The following RIN3 variants were observed in gnomAD, a reference collection of about 807,000 sequenced individuals.
RIN3 encodes the protein RAB5 interacting protein 3.
Under a neutral mutation model 76.3 loss-of-function variants are expected in RIN3, and 54 were observed. The ratio of observed to expected loss-of-function variants is 0.71; its 90% CI spans 0.57 to 0.89. The LOEUF is 0.89. Ranked by LOEUF, RIN3 falls within the 40% of genes least tolerant of loss-of-function variation. The probability of loss-of-function intolerance (pLI) is 0.00; values close to 1 mark genes in which losing one functional copy is unlikely to be tolerated. For missense variants in RIN3, 1,256 were observed against 1,322.1 expected (o/e 0.95, Z 0.78); for synonymous variants, 576 against 564.0 (o/e 1.02, Z -0.30).
In RIN3 at chr14:92,516,577, G is replaced by A. The variant is rs143406152; in HGVS notation, c.44+2601G>A. Among the ~76,000 whole-genome samples, 4 of 152,222 alleles carry A rather than the reference G, an allele frequency of 2.6e-5. No homozygotes were observed. The East Asian group carries it at 5.8e-4, about 22-fold the overall frequency. The stretch of plus-strand genomic sequence containing the variant: ...ATCCTAACAGAGGCTCTGATGCACA[G>A]GAGCAAAGGGTCACCTCACCATCTC... On this transcript the variant is annotated intron_variant, in intron 1 of 9. Transcript: ENST00000216487.
At position 92,648,678 on chromosome 14, in the gene RIN3, C is replaced by G. The variant is rs1887288994; in HGVS notation, c.533-2904C>G. Among the ~76,000 whole-genome samples, 1 of 152,216 alleles carries G rather than the reference C, an allele frequency of 6.6e-6. No individual in the cohort carries two copies. Among genetic ancestry groups the G allele is most frequent in the Non-Finnish European group, 1.5e-5 (1 of 68,032 alleles). ...GTCTCAGGTGCTGGGAATACTCAGA[C>G]AGCTGAAAGATTTGACTGCCTTCTG... On this transcript the variant is annotated intron_variant, in intron 5 of 9. Coordinates refer to ENST00000216487, the MANE Select transcript of RIN3 (RefSeq NM_024832.5). This position sits in a 1 kb window ranked among gnomAD's most constrained non-coding sequence, Gnocchi z 4.1.
chr14:92,584,085 A>C (rs1955695478), intron 3 of RIN3, among the ~76,000 whole-genome samples: 1 of 152,116 alleles, frequency 6.6e-6, no homozygotes, highest in African/African-American at 2.4e-5. Flanking sequence ...GAGGACGTGC[A>C]TACGTTATAG....
At chr14:92,561,028 A>AC in intron 2 of RIN3, among the ~76,000 whole-genome samples, 1 of 24,908 alleles carries the variant, frequency 4.0e-5, no homozygotes, top group Non-Finnish European at 9.0e-5. Flanking sequence ...TCTAAAAAAA[A>AC]AAAAAAAAAA....
chr14:92,615,391 T>C lies in RIN3; in HGVS notation c.368-16T>C. On this transcript the variant is annotated splice_polypyrimidine_tract_variant and intron_variant, in intron 3 of 9. Transcript: ENST00000216487. ...GGATACTCACCTCACCCAGGGCCCT[T>C]CTTGTGTCTCCCCAGTATTGTACCT... The C allele has an allele frequency of 6.2e-7, 1 of 1,613,148 alleles. No homozygotes were observed. The highest frequency in any genetic ancestry group is 8.5e-7 in the Non-Finnish European group (1 of 1,179,142).
intron 2 of RIN3, among the ~76,000 whole-genome samples, chr14:92,574,035 C>T (rs1295295156): frequency 6.6e-6 from 1 of 152,190 alleles, no homozygotes; most frequent in Admixed American, 6.5e-5. Context: ...GGCACCACCC[C>T]CACCCCTGCC....
intron 7 of RIN3, among the ~76,000 whole-genome samples, chr14:92,674,317 G>T (rs1595503360): frequency 6.6e-6 from 1 of 152,156 alleles, no homozygotes. Flanking sequence ...TTAGCTCTCT[G>T]AAGTCTTTTA....
chr14:92,672,232 C>A (rs1210989323), intron 7 of RIN3, among the ~76,000 whole-genome samples: 1 of 151,860 alleles, frequency 6.6e-6, no homozygotes, highest in Non-Finnish European at 1.5e-5. Flanking sequence ...ATGGCAAAAT[C>A]CCATCTCTAC....
In RIN3 at chr14:92,615,422, G is replaced by T. The variant is rs751435893; in HGVS notation, c.383G>T (p.Gly128Val). 4 of 1,614,122 alleles carry T rather than the reference G, an allele frequency of 2.5e-6. No homozygotes were observed. Among genetic ancestry groups the T allele is most frequent in the South Asian group, 1.1e-5 (1 of 91,080 alleles). Reference sequence around the variant, plus strand: ...GTCTCCCCAGTATTGTACCTGGAAGGCTCGGCTCTTGTGTTTGAGGACATC... The same window carrying T: ...GTCTCCCCAGTATTGTACCTGGAAGTCTCGGCTCTTGTGTTTGAGGACATC... ...KEEKSILYLE[G>V]SALVFEDIFR... The change falls in exon 4 of 10, where the codon GGC (glycine) becomes GTC (valine). Residue 128 changes from glycine (G) to valine (V), a missense_variant. Transcript: ENST00000216487.
intron 4 of RIN3, among the ~76,000 whole-genome samples, chr14:92,628,763 G>A (rs1886447262): frequency 6.6e-6 from 1 of 152,160 alleles, no homozygotes; most frequent in Admixed American, 6.5e-5. Context: ...TGTGCCACAT[G>A]TAGGGATCAG....
intron 7 of RIN3, among the ~76,000 whole-genome samples, chr14:92,671,316 G>A (rs942712783): frequency 6.6e-6 from 1 of 152,062 alleles, no homozygotes. Flanking sequence ...TAGGGAGGGG[G>A]TCCCAGGAGG....
intron 1 of RIN3, among the ~76,000 whole-genome samples, chr14:92,536,946 T>C (rs2140010820): frequency 6.6e-6 from 1 of 152,066 alleles, no homozygotes; most frequent in Admixed American, 6.5e-5. Context: ...ACACAGTAAA[T>C]GGTAAACTCT....
chr14:92,684,948 G>C (rs1888794648), intron 8 of RIN3, 39 bp from the exon 9 acceptor site: 1 of 1,586,608 alleles, frequency 6.3e-7, no homozygotes, highest in South Asian at 1.1e-5. Context: ...GGTGGGCGGA[G>C]GCGGTCCTGG....
intron 1 of RIN3, among the ~76,000 whole-genome samples, chr14:92,528,756 C>T (rs957421442): frequency 6.6e-5 from 10 of 152,170 alleles, no homozygotes; most frequent in Non-Finnish European, 1.3e-4. Flanking sequence ...ACAGCAGCCC[C>T]GCACAGTAGG....
intron 7 of RIN3, among the ~76,000 whole-genome samples, chr14:92,662,353 C>T (rs886633888): frequency 5.3e-5 from 8 of 152,178 alleles, no homozygotes; most frequent in African/African-American, 9.7e-5. Flanking sequence ...GGAACAGCCT[C>T]GGGGAGAGCA....
intron 2 of RIN3, among the ~76,000 whole-genome samples, chr14:92,556,433 G>T (rs1897584401): frequency 6.6e-6 from 1 of 152,200 alleles, no homozygotes; most frequent in Admixed American, 6.5e-5. Context: ...GGCTCTGTGA[G>T]CTGGGCACAC....
chr14:92,593,809 A>C (rs1249207967), intron 3 of RIN3, among the ~76,000 whole-genome samples: 2 of 152,250 alleles, frequency 1.3e-5, no homozygotes, highest in African/African-American at 4.8e-5. Context: ...AAGAAGATCT[A>C]ACAGTCCTTT....
rs199992145 is a variant in RIN3 at position 92,688,208 on chromosome 14, G to A, written c.2914G>A (p.Gly972Arg). 3 of 1,484,852 alleles carry A rather than the reference G, an allele frequency of 2.0e-6. No homozygotes were observed. Among genetic ancestry groups the A allele is most frequent in the South Asian group, 2.4e-5 (2 of 83,686 alleles). The allele number at this position is 1,484,852 out of a possible 1,614,324, so 92.0% of individuals were successfully genotyped here. The part of the protein sequence containing the change: ...PLDGGGGGGG[G>R]SPPCLVVREP... ...GGACGGTGGTGGCGGCGGCGGCGGC[G>A]GGAGCCCGCCCTGCCTGGTGGTGCG... The change falls in exon 10 of 10, where the codon GGG (glycine) becomes AGG (arginine). Residue 972 changes from glycine (G) to arginine (R), a missense_variant. Physicochemically the swap from Gly to Arg is moderately radical, Grantham distance 125 (BLOSUM62 -2). Coordinates refer to ENST00000216487, the MANE Select transcript of RIN3 (RefSeq NM_024832.5).
chr14:92,577,122 A>G (rs1370704791), intron 2 of RIN3, among the ~76,000 whole-genome samples: 2 of 152,164 alleles, frequency 1.3e-5, no homozygotes, highest in Admixed American at 6.5e-5. Flanking sequence ...CATTGACTTC[A>G]TTGAACCCGT....
At position 92,659,295 on chromosome 14, in the gene RIN3, G is replaced by GCCA. The variant is rs766188305; in HGVS notation, c.2172_2174dup (p.Thr725dup). 5.0e-6 allele frequency: 8 copies of GCCA among 1,613,612 alleles called. No homozygotes were observed. The highest frequency in any genetic ancestry group is 5.1e-6 in the Non-Finnish European group (6 of 1,179,782). ...CAAGGAGAACCAGTTAGTGATCCTG[G>GCCA]CCACCACCACCACTGACCTAGGTGT... On this transcript the variant is annotated inframe_insertion, in exon 7 of 10. Transcript: ENST00000216487.
Sources: gnomAD v4.1 joint callset for allele counts (sites outside exome capture counted in the v4.1 genomes callset) on GRCh38, gnomAD v4.1.1 for gene constraint, Gnocchi (gnomAD v3.1) non-coding constraint, MANE v1.5 for transcripts, NCBI Gene and HGNC (gene_info 2026-07-23, HGNC 2026-07-21) for gene names.